The following RGS3 variants were observed in gnomAD, a reference collection of about 807,000 sequenced individuals.
The protein encoded by RGS3 is regulator of G protein signaling 3.
RGS3 carries 80 observed loss-of-function variants against 132.6 expected under a neutral mutation model. That is an observed-to-expected ratio of 0.60 (90% confidence interval 0.50 to 0.73). The LOEUF is 0.73. Among genes scored for constraint, RGS3 ranks in the 30% least tolerant of loss-of-function variants. RGS3 has a pLI of 0.00. For synonymous variants in RGS3, 598 were observed against 620.6 expected (o/e 0.96, Z 0.54); for missense variants, 1,382 against 1,530.8 (o/e 0.90, Z 1.62).
intron 19 of RGS3, chr9:113,581,954 C>A: frequency 1.1e-6 from 1 of 886,582 alleles, no homozygotes; most frequent in Non-Finnish European, 1.4e-6. Flanking sequence ...CCAAGGCCTC[C>A]CCTCCCTTGC....
In RGS3 at chr9:113,568,831, C is replaced by T. The variant is rs543676297; in HGVS notation, c.2038-14619C>T. Among the ~76,000 whole-genome samples, 5 of 152,362 alleles carry T rather than the reference C, an allele frequency of 3.3e-5. No homozygotes were observed. The South Asian group carries it at 1.0e-3, about 32-fold the overall frequency. On this transcript the variant is annotated intron_variant, in intron 19 of 24. Transcript: ENST00000350696. ...CCAGGCTCAGCCTCAGGGAGTGCTG[C>T]CTGCCCCTGCACAACCAGCTGTACC... is the stretch of plus-strand genomic sequence containing the variant.
At chr9:113,462,456 C>T (rs1829499050) in intron 3 of RGS3, among the ~76,000 whole-genome samples, 2 of 152,198 alleles carry the variant, frequency 1.3e-5, no homozygotes, top group Admixed American at 6.5e-5. Flanking sequence ...GGCCACCTGA[C>T]CCTGTGGCGT....
intron 19 of RGS3, among the ~76,000 whole-genome samples, chr9:113,574,585 A>G (rs1834427958): frequency 6.6e-6 from 1 of 152,238 alleles, no homozygotes; most frequent in African/African-American, 2.4e-5. Context: ...CTGATGAGCC[A>G]AACAGGACCT....
chr9:113,495,207 A>G (rs1830642904), intron 7 of RGS3, among the ~76,000 whole-genome samples: 1 of 152,140 alleles, frequency 6.6e-6, no homozygotes, highest in African/African-American at 2.4e-5. Flanking sequence ...GATTGAATTT[A>G]GCCCCTCGCC....
chr9:113,584,156 G>T (rs776005314), exon 20 of RGS3: 1 of 1,614,126 alleles, frequency 6.2e-7, no homozygotes, highest in African/African-American at 1.3e-5. Flanking sequence ...GAGGCCAAGC[G>T]CAGCAGCATG....
At chr9:113,531,163 T>C (rs1304643223) in intron 18 of RGS3, among the ~76,000 whole-genome samples, 4 of 152,174 alleles carry the variant, frequency 2.6e-5, no homozygotes, top group South Asian at 2.1e-4. Context: ...TGGGTCTCTA[T>C]TGCCTGGACA....
chr9:113,595,972 C>T (rs10981837), intron 24 of RGS3, among the ~76,000 whole-genome samples: 2,600 of 152,340 alleles, frequency 0.017, 161 homozygotes, highest in Admixed American at 0.11. Flanking sequence ...AAGGCACTGC[C>T]GCATGCCAGG....
intron 10 of RGS3, 114 bp from the exon 9 acceptor site, chr9:113,505,327 GT>G (rs1226085310): frequency 4.7e-6 from 4 of 851,802 alleles, no homozygotes; most frequent in East Asian, 5.2e-5. Flanking sequence ...TGTGCCTCCA[GT>G]TCCCTTGGAG....
At chr9:113,522,893 C>T (rs765003579) in intron 16 of RGS3, 37 bp from the exon 15 acceptor site, 2 of 1,415,850 alleles carry the variant, frequency 1.4e-6, no homozygotes, top group Non-Finnish European at 2.0e-6. Context: ...CAGAGGACAG[C>T]AAAGTAGCCA....
chr9:113,452,957 A>G (rs1331192088), intron 1 of RGS3, among the ~76,000 whole-genome samples: 1 of 137,038 alleles, frequency 7.3e-6, no homozygotes, highest in African/African-American at 2.7e-5. Context: ...TATATATGAT[A>G]TATAAATAAA....
At chr9:113,522,965 C>T (rs756421244) in exon 17 of RGS3, 1 of 1,614,096 alleles carries the variant, frequency 6.2e-7, no homozygotes, top group Non-Finnish European at 8.5e-7. Flanking sequence ...TGCTGCTCTT[C>T]ACCAAGGAGG....
At chr9:113,576,001 C>T (rs1009011910) in intron 19 of RGS3, among the ~76,000 whole-genome samples, 2 of 152,028 alleles carry the variant, frequency 1.3e-5, no homozygotes, top group Non-Finnish European at 2.9e-5. Context: ...GAGATCGAGA[C>T]CATCCTGGCT....
chr9:113,549,438 T>C (rs1238032277), intron 19 of RGS3, among the ~76,000 whole-genome samples: 3 of 151,826 alleles, frequency 2.0e-5, no homozygotes, highest in Admixed American at 2.0e-4. Flanking sequence ...GTTTTTTTTC[T>C]TTGTTTGTTT....
At chr9:113,520,532 G>T (rs1023982674) in intron 16 of RGS3, among the ~76,000 whole-genome samples, 4 of 151,272 alleles carry the variant, frequency 2.6e-5, no homozygotes, top group African/African-American at 4.9e-5. Context: ...CCCCTCTCTG[G>T]GCCTGGGCTG....
exon 20 of RGS3, chr9:113,583,490 T>C (rs375974310): frequency 3.7e-6 from 6 of 1,614,056 alleles, no homozygotes; most frequent in Non-Finnish European, 5.1e-6. Flanking sequence ...GAGATGGCCT[T>C]GGAGGAAGGG....
intron 19 of RGS3, among the ~76,000 whole-genome samples, chr9:113,577,852 CTG>C (rs1316353294): frequency 6.6e-6 from 1 of 152,212 alleles, no homozygotes; most frequent in Admixed American, 6.5e-5. Flanking sequence ...TCTGTTTATC[CTG>C]TGTTTATGGC....
At chr9:113,467,041 A>T (rs942861141) in intron 3 of RGS3, among the ~76,000 whole-genome samples, 3 of 151,782 alleles carry the variant, frequency 2.0e-5, no homozygotes, top group African/African-American at 7.2e-5. Flanking sequence ...GTTGTAGCAG[A>T]TATCATACTC....
upstream of RGS3, among the ~76,000 whole-genome samples, chr9:113,458,179 A>T (rs1829401887): frequency 6.6e-6 from 1 of 152,240 alleles, no homozygotes; most frequent in Non-Finnish European, 1.5e-5. Flanking sequence ...GGCCTCCCAA[A>T]GTCCTGGGAT....
intron 7 of RGS3, among the ~76,000 whole-genome samples, chr9:113,486,584 G>A (rs1417153510): frequency 6.6e-6 from 1 of 152,224 alleles, no homozygotes; most frequent in African/African-American, 2.4e-5. Flanking sequence ...CACTGTTAGC[G>A]GCAGTGGCTC....
Sources: allele counts gnomAD v4.1 joint callset (sites outside exome capture counted in the v4.1 genomes callset), GRCh38; gene constraint gnomAD v4.1.1; transcripts MANE v1.5; gene names NCBI Gene and HGNC (gene_info 2026-07-23, HGNC 2026-07-21).